Variants in COL23A1 observed in about 807,000 individuals in gnomAD.
The protein encoded by COL23A1 is collagen type XXIII alpha 1 chain, also known as collagen alpha-1(XXIII) chain.
In COL23A1, 97 loss-of-function variants were observed where a neutral mutation model predicts 99.3. That is an observed-to-expected ratio of 0.98 (90% CI 0.83 to 1.16). COL23A1 has a LOEUF of 1.16. COL23A1 is among the 50% of genes most tolerant of loss of function. The probability of loss-of-function intolerance (pLI) is 0.00; values close to 1 mark genes in which losing one functional copy is unlikely to be tolerated. For synonymous variants in COL23A1, 320 were observed against 308.2 expected, an observed-to-expected ratio of 1.04 and a Z score of -0.40; for missense variants, 762 against 757.4, an observed-to-expected ratio of 1.01 and a Z score of -0.07.
At chr5:178,433,240 C>T (rs1403311058) in intron 2 of COL23A1, among the ~76,000 whole-genome samples, 1 of 151,922 alleles carries the variant, frequency 6.6e-6, no homozygotes, top group Non-Finnish European at 1.5e-5. Context: ...GGGGCTCCCA[C>T]GACCGCCTCC....
At chr5:178,361,224 T>A (rs1057434663) in intron 2 of COL23A1, among the ~76,000 whole-genome samples, 3 of 152,144 alleles carry the variant, frequency 2.0e-5, no homozygotes, top group Non-Finnish European at 4.4e-5. Context: ...TGCCATAAGG[T>A]CTATTCTGTT....
intron 5 of COL23A1, among the ~76,000 whole-genome samples, chr5:178,272,271 A>T (rs1214456467): frequency 1.3e-5 from 2 of 152,096 alleles, no homozygotes; most frequent in Admixed American, 6.5e-5. Flanking sequence ...GCCAGGTAGG[A>T]GGTAAGCTGC....
At chr5:178,423,763 G>C (rs1480831206) in intron 2 of COL23A1, among the ~76,000 whole-genome samples, 1 of 152,116 alleles carries the variant, frequency 6.6e-6, no homozygotes, top group Admixed American at 6.5e-5. Flanking sequence ...GGCTTGGTGA[G>C]GGCTACCGCA....
intron 8 of COL23A1, 139 bp downstream of exon 8, chr5:178,267,168 A>G: frequency 2.2e-6 from 2 of 902,088 alleles, no homozygotes; most frequent in South Asian, 1.4e-5. Flanking sequence ...CACCGGTGCT[A>G]TGGGTGGGGA....
chr5:178,333,541 C>T (rs771781340), intron 2 of COL23A1, among the ~76,000 whole-genome samples: 67 of 152,278 alleles, frequency 4.4e-4, no homozygotes, highest in Non-Finnish European at 7.4e-4. Context: ...CATGCCTGTG[C>T]GGCCTGGTCC....
intron 2 of COL23A1, among the ~76,000 whole-genome samples, chr5:178,414,197 C>T (rs1184479838): frequency 6.6e-6 from 1 of 152,148 alleles, no homozygotes; most frequent in Non-Finnish European, 1.5e-5. Flanking sequence ...TGTGCTGGGC[C>T]AGCATCAGCA....
At chr5:178,522,489 ACAAATGCTAACCC>A (rs1299881730) in intron 2 of COL23A1, among the ~76,000 whole-genome samples, 1 of 152,184 alleles carries the variant, frequency 6.6e-6, no homozygotes, top group Non-Finnish European at 1.5e-5. Context: ...CAAAAGCTGC[ACAAATGCTAACCC>A]CAGTCAACCA....
chr5:178,504,184 C>A (rs1758735038), intron 2 of COL23A1, among the ~76,000 whole-genome samples: 1 of 152,098 alleles, frequency 6.6e-6, no homozygotes, highest in African/African-American at 2.4e-5. Context: ...CACAATTTCC[C>A]ATACAATCGC....
intron 2 of COL23A1, among the ~76,000 whole-genome samples, chr5:178,443,390 G>A (rs1048291743): frequency 6.6e-6 from 1 of 152,222 alleles, no homozygotes; most frequent in Non-Finnish European, 1.5e-5. Flanking sequence ...ATTCTGGCCA[G>A]AGTTTTCAAA....
At chr5:178,279,843 C>T (rs1756792583) in intron 5 of COL23A1, among the ~76,000 whole-genome samples, 1 of 152,208 alleles carries the variant, frequency 6.6e-6, no homozygotes, top group South Asian at 2.1e-4. Flanking sequence ...GGCGGTGCCC[C>T]TGACCCCCAC....
intron 1 of COL23A1, among the ~76,000 whole-genome samples, chr5:178,571,404 G>A (rs548322779): frequency 6.6e-6 from 1 of 152,006 alleles, no homozygotes; most frequent in African/African-American, 2.4e-5. Context: ...AAATACTTAG[G>A]GGAGCACCAG....
chr5:178,410,304 A>C (rs1047925810), intron 2 of COL23A1, among the ~76,000 whole-genome samples: 2 of 152,204 alleles, frequency 1.3e-5, no homozygotes, highest in African/African-American at 4.8e-5. Context: ...TCCCAAAGCA[A>C]TCTACAGATT....
intron 2 of COL23A1, among the ~76,000 whole-genome samples, chr5:178,502,345 A>C (rs907043499): frequency 2.0e-5 from 3 of 152,102 alleles, no homozygotes; most frequent in Non-Finnish European, 2.9e-5. Flanking sequence ...GTTAGCCAGG[A>C]TGGTCTCGAT....
intron 1 of COL23A1, among the ~76,000 whole-genome samples, chr5:178,563,660 T>C (rs1229264217): frequency 6.6e-6 from 1 of 150,496 alleles, no homozygotes; most frequent in Admixed American, 6.7e-5. Context: ...GCCTCCTGAG[T>C]AGCTGAGTAT....
chr5:178,432,976 C>A (rs1477370449), intron 2 of COL23A1, among the ~76,000 whole-genome samples: 2 of 152,176 alleles, frequency 1.3e-5, no homozygotes, highest in African/African-American at 4.8e-5. Flanking sequence ...TAGCCCTGGA[C>A]TGCTGAGACC....
At chr5:178,246,347 C>G in intron 23 of COL23A1, 40 bp from the exon 24 acceptor site, 1 of 1,561,926 alleles carries the variant, frequency 6.4e-7, no homozygotes, top group African/African-American at 1.4e-5. Flanking sequence ...ATGCTAGTGA[C>G]AGGAATTAAC....
intron 14 of COL23A1, 71 bp downstream of exon 14, chr5:178,256,795 T>A (rs1178668350): frequency 6.9e-7 from 1 of 1,442,666 alleles, no homozygotes; most frequent in Non-Finnish European, 9.5e-7. Context: ...TGAAACCACA[T>A]CTCCCACTCC....
chr5:178,545,169 T>C (rs1315755694), intron 2 of COL23A1, among the ~76,000 whole-genome samples: 2 of 152,014 alleles, frequency 1.3e-5, no homozygotes, highest in East Asian at 3.9e-4. Context: ...GGGGGTGTTC[T>C]AGTTCCTGAT....
chr5:178,262,236 G>A lies in COL23A1; in HGVS notation c.656C>T (p.Pro219Leu). 1.3e-6 allele frequency: 2 copies of A among 1,583,802 alleles called. No individual in the cohort carries two copies. Among genetic ancestry groups the A allele is most frequent in the Non-Finnish European group, 1.7e-6 (2 of 1,164,492 alleles). The change falls in exon 10 of 29, where the codon CCC becomes CTC. Residue 219 changes from proline (P) to leucine (L), a missense_variant. Physicochemically the swap from Pro to Leu is moderately conservative, Grantham distance 98. Coordinates refer to ENST00000390654, the MANE Select transcript of COL23A1 (RefSeq NM_173465.4). ...AQGPAGPKGE[P>L]GQDGEMGPKG... ...ACTGACCATCTCGCCGTCTTGTCCG[G>A]GCTCTCCTTTGGGGCCCTGCGGAAG...
Sources: gnomAD v4.1 joint callset for allele counts (sites outside exome capture counted in the v4.1 genomes callset) on GRCh38, gnomAD v4.1.1 for gene constraint, MANE v1.5 for transcripts, NCBI Gene and HGNC (gene_info 2026-07-23, HGNC 2026-07-21) for gene names.